The following CDK12 variants were observed in gnomAD, a reference collection of about 807,000 sequenced individuals.
The protein encoded by CDK12 is cyclin dependent kinase 12, also known as cyclin-dependent kinase 12.
Under a neutral mutation model 133.8 loss-of-function variants are expected in CDK12, and 17 were observed. That is an observed-to-expected ratio of 0.13 (90% confidence interval 0.09 to 0.19). The LOEUF (loss-of-function observed/expected upper bound fraction) is 0.19, where lower values mean the gene tolerates loss of function less well. Among genes scored for constraint, CDK12 ranks in the 10% least tolerant of loss-of-function variants. CDK12 has a pLI of 1.00. For missense variants in CDK12, 1,508 were observed against 1,818.7 expected (o/e 0.83, Z 3.11); for synonymous variants, 694 against 683.6 (o/e 1.02, Z -0.24).
chr17:39,552,028 G>A (rs2055975142), intron 2 of CDK12, among the ~76,000 whole-genome samples: 1 of 151,718 alleles, frequency 6.6e-6, no homozygotes, highest in Non-Finnish European at 1.5e-5. Flanking sequence ...CCACCCAAGA[G>A]TTGCCTTCTC....
chr17:39,517,508 T>C lies in CDK12; in HGVS notation c.2915T>C (p.Met972Thr), dbSNP rs763541866. Reference protein sequence around the residue: ...DVIKLPYFNTMKPKKQYRRRL... With the variant: ...DVIKLPYFNTTKPKKQYRRRL... ...ATCAAACTGCCCTACTTCAACACCA[T>C]GAAACCGAAGAAGCAATATCGAAGG... Residue 972 changes from methionine (M) to threonine (T), a missense_variant, in exon 10 of 14, where the codon ATG (methionine) becomes ACG (threonine). Physicochemically the swap from Met to Thr is moderately conservative, Grantham distance 81 (BLOSUM62 -1). This residue lies in a region of CDK12 where 82 missense variants were observed against 201.5 expected (regional missense o/e 0.41). Transcript: ENST00000447079. 3.1e-6 allele frequency: 5 copies of C among 1,613,568 alleles called. No individual in the cohort carries two copies. The Admixed American group carries it at 6.7e-5, about 22-fold the overall frequency.
chr17:39,528,541 G>A (rs2054628447), intron 13 of CDK12, among the ~76,000 whole-genome samples: 1 of 152,096 alleles, frequency 6.6e-6, no homozygotes, highest in Non-Finnish European at 1.5e-5. Context: ...CACCTTGTTG[G>A]CCAGGCTGGT....
At chr17:39,476,660 G>T (rs2050213232) in intron 2 of CDK12, among the ~76,000 whole-genome samples, 1 of 136,680 alleles carries the variant, frequency 7.3e-6, no homozygotes, top group Admixed American at 8.0e-5. Context: ...TGATCTACCT[G>T]CCTTGGCCCC....
chr17:39,545,257 A>G (rs2143966664), upstream of CDK12, among the ~76,000 whole-genome samples: 1 of 152,188 alleles, frequency 6.6e-6, no homozygotes, highest in South Asian at 2.1e-4. Context: ...CTGTAGTGCA[A>G]TGGCATTATC....
chr17:39,474,502 A>G (rs2050033328), intron 2 of CDK12, among the ~76,000 whole-genome samples: 9 of 152,044 alleles, frequency 5.9e-5, no homozygotes, highest in Admixed American at 5.9e-4. Context: ...TTTTGTAGAC[A>G]TGGGGTTACA....
rs1201532897 is a variant in CDK12 at position 39,479,312 on chromosome 17, A to G, written c.1931+7549A>G. Among the ~76,000 whole-genome samples, 140 of 151,368 alleles carry G rather than the reference A, an allele frequency of 9.2e-4. 1 individual carries two copies. Among genetic ancestry groups the G allele is most frequent in the African/African-American group, 3.3e-3 (136 of 41,352 alleles). On this transcript the variant is annotated intron_variant, in intron 2 of 13. Coordinates refer to ENST00000447079, the MANE Select transcript of CDK12 (RefSeq NM_016507.4). ...GACAAGAGCGAGACTCCGTCTGAAA[A>G]AAAAAAAAAAAAAAAAATCTAAAAG...
intron 11 of CDK12, 93 bp from the exon 12 acceptor site, chr17:39,524,581 C>A (rs1307441756): frequency 9.2e-7 from 1 of 1,085,212 alleles, no homozygotes; most frequent in South Asian, 1.4e-5. Flanking sequence ...ACATTTCCCA[C>A]AGTCTTTGCC....
chr17:39,547,626 C>T (rs546537361), upstream of CDK12: 1 of 152,240 alleles, frequency 6.6e-6, no homozygotes, highest in Non-Finnish European at 1.5e-5. Context: ...AAAGCAGAAT[C>T]AACTACTAGG....
chr17:39,491,817 T>C (rs958039343), intron 3 of CDK12, among the ~76,000 whole-genome samples: 1 of 151,158 alleles, frequency 6.6e-6, no homozygotes. Flanking sequence ...TCTGACTTTT[T>C]AGTAAAAAAT....
chr17:39,479,183 C>T (rs1291473064), intron 2 of CDK12, among the ~76,000 whole-genome samples: 1 of 151,966 alleles, frequency 6.6e-6, no homozygotes, highest in Non-Finnish European at 1.5e-5. Flanking sequence ...TGGCGGGCCC[C>T]TGTAGTCCCA....
chr17:39,555,193 C>G (rs1038500723), intron 2 of CDK12, among the ~76,000 whole-genome samples: 3 of 149,756 alleles, frequency 2.0e-5, no homozygotes, highest in Non-Finnish European at 4.4e-5. Flanking sequence ...TGCAGTGAGC[C>G]GAGATCGCAC....
intron 5 of CDK12, among the ~76,000 whole-genome samples, chr17:39,500,066 T>C (rs1378579264): frequency 6.6e-6 from 1 of 152,206 alleles, no homozygotes; most frequent in Admixed American, 6.6e-5. Context: ...CAGTGGCTTA[T>C]GCCTCTGACC....
chr17:39,461,779 G>A lies in CDK12; in HGVS notation c.-293G>A. On this transcript the variant is annotated 5_prime_UTR_variant, in exon 1 of 14. Transcript: ENST00000447079. ...GGACCTCCCCGGCGCCCGGGCCTGA[G>A]GACTGGCTCGGCGGAGGGAGAAGAG... is the stretch of plus-strand genomic sequence containing the variant. The A allele has an allele frequency of 6.6e-6, 3 of 452,716 alleles. No individual in the cohort carries two copies. The highest frequency in any genetic ancestry group is 8.0e-6 in the Non-Finnish European group (2 of 249,442). 28.0% of individuals were successfully genotyped at this position (452,716 alleles called of 1,614,324 possible). A position where few individuals can be genotyped will look rare whatever the true frequency, so the allele number is the denominator to read the frequency against.
rs1246755126 is a variant in CDK12 at position 39,462,082 on chromosome 17, C to T, written c.11C>T (p.Ser4Leu). Residue 4 changes from serine to leucine, a missense_variant, in exon 1 of 14, where the codon TCA (serine) becomes TTA (leucine). By Grantham distance (145) the Ser-to-Leu change is moderately radical. Coordinates refer to ENST00000447079, the MANE Select transcript of CDK12 (RefSeq NM_016507.4). MPNSERHGGKKDGS... is the reference protein window; with the variant it reads MPNLERHGGKKDGS... ...GTCAGGGGAAAGGGAATGCCCAATTCAGAGAGACATGGGGGCAAGAAGGAC... is the reference window on the plus strand; with the variant it reads ...GTCAGGGGAAAGGGAATGCCCAATTTAGAGAGACATGGGGGCAAGAAGGAC... 5 of 1,613,568 alleles carry T rather than the reference C, an allele frequency of 3.1e-6. No homozygotes were observed. The highest frequency in any genetic ancestry group is 2.2e-5 in the East Asian group (1 of 44,886).
At chr17:39,498,931 C>CT (rs1204220366) in intron 5 of CDK12, among the ~76,000 whole-genome samples, 2 of 1,312 alleles carry the variant, frequency 1.5e-3, no homozygotes, top group African/African-American at 9.4e-3. Context: ...TTCTTTCTTT[C>CT]TTTCTTTCTT....
intron 8 of CDK12, among the ~76,000 whole-genome samples, chr17:39,514,744 T>C (rs901480700): frequency 6.6e-6 from 1 of 152,196 alleles, no homozygotes; most frequent in Non-Finnish European, 1.5e-5. Flanking sequence ...TAAACCTATT[T>C]TATTGAAGTA....
At chr17:39,494,134 T>TGCAACCTCTGCTCACC (rs1227335840) in intron 4 of CDK12, among the ~76,000 whole-genome samples, 2 of 152,114 alleles carry the variant, frequency 1.3e-5, no homozygotes, top group Non-Finnish European at 2.9e-5. Context: ...CTCAGCTCAC[T>TGCAACCTCTGCTCACC]GCAACCTCTG....
chr17:39,491,364 G>A (rs2051586040), intron 3 of CDK12, among the ~76,000 whole-genome samples: 1 of 152,006 alleles, frequency 6.6e-6, no homozygotes, highest in African/African-American at 2.4e-5. Context: ...AGCCTCCCGA[G>A]TAGCTGGGAT....
At chr17:39,480,992 G>T (rs549582316) in intron 2 of CDK12, among the ~76,000 whole-genome samples, 1 of 151,918 alleles carries the variant, frequency 6.6e-6, no homozygotes, top group Non-Finnish European at 1.5e-5. Flanking sequence ...GGTGGATCAC[G>T]CCTGTAATCC....
Sources: gnomAD v4.1 joint callset for allele counts (sites outside exome capture counted in the v4.1 genomes callset) on GRCh38, gnomAD v4.1.1 for gene constraint, gnomAD v4.1.1 regional missense constraint, MANE v1.5 for transcripts, NCBI Gene and HGNC (gene_info 2026-07-23, HGNC 2026-07-21) for gene names.